The following PPEF1 variants were observed in gnomAD, a reference collection of about 807,000 sequenced individuals.
PPEF1 encodes protein phosphatase with EF-hand domain 1.
In PPEF1, 12 loss-of-function variants were observed where a neutral mutation model predicts 53.3. The observed-to-expected ratio is 0.23, with a 90% confidence interval of 0.14 to 0.36. PPEF1 has a LOEUF of 0.36. Ranked by LOEUF, PPEF1 falls within the 10% of genes least tolerant of loss-of-function variation. The pLI is 1.00. For missense variants in PPEF1, 334 were observed against 490.4 expected, an observed-to-expected ratio of 0.68 and a Z score of 3.01; for synonymous variants, 165 against 176.7, an observed-to-expected ratio of 0.93 and a Z score of 0.52.
intron 4 of PPEF1, among the ~76,000 whole-genome samples, chrX:18,695,948 C>T (rs769726841): frequency 8.9e-6 from 1 of 112,145 alleles, no homozygotes; most frequent in East Asian, 2.8e-4. Context: ...CTGATAGTGA[C>T]TCATAACCCA....
chrX:18,741,126 A>G (rs917678659), intron 3 of PPEF1, among the ~76,000 whole-genome samples: 1 of 111,686 alleles, frequency 9.0e-6, no homozygotes, highest in African/African-American at 3.3e-5. Context: ...AGCCAAACCT[A>G]AGGAATGGGG....
At position 18,757,869 on chromosome X, in the gene PPEF1, CATG is replaced by C. The variant is rs762120393; in HGVS notation, c.511+131_511+133del. The stretch of plus-strand genomic sequence containing the variant: ...AAAATGTTAATATAGAATTATCTAT[CATG>C]ATAATACTGTTCCCCATCTTGTCTT... On this transcript the variant is annotated intron_variant, in intron 5 of 15. Transcript: ENST00000470157. 203 of 411,545 alleles carry C rather than the reference CATG, an allele frequency of 4.9e-4. 1 individual carries two copies. The highest frequency in any genetic ancestry group is 7.6e-4 in the Admixed American group (18 of 23,649). The allele number at this position is 411,545 out of a possible 1,213,427, so 33.9% of individuals were successfully genotyped here. A position where few individuals can be genotyped will look rare whatever the true frequency, so the allele number is the denominator to read the frequency against.
At chrX:18,825,101 G>T (rs960385377) in intron 14 of PPEF1, among the ~76,000 whole-genome samples, 2 of 111,949 alleles carry the variant, frequency 1.8e-5, no homozygotes, top group African/African-American at 6.5e-5. Flanking sequence ...TTCTTAGAAT[G>T]TGAATATCAG....
rs72264344 is a variant in PPEF1, at chrX:18,743,446, C to CTTTTTTTTTTTTTTTTTT, written c.236-6342_236-6325dup. ...TTTTTCTTTTCTTTTTTCTCTTTTT[C>CTTTTTTTTTTTTTTTTTT]TTTTTTTTTTTTTTTTTTTTTGAGA... On this transcript the variant is annotated intron_variant, in intron 3 of 15. Coordinates refer to ENST00000470157, the MANE Select transcript of PPEF1 (RefSeq NM_001377996.1). 2.7e-4 allele frequency among the ~76,000 whole-genome samples: 16 copies of CTTTTTTTTTTTTTTTTTT among 59,326 alleles called. 1 individual carries two copies. The highest frequency in any genetic ancestry group is 1.0e-3 in the African/African-American group (14 of 13,864). The allele number at this position is 59,326 out of a possible 115,157, so 51.5% of individuals were successfully genotyped here. A position where few individuals can be genotyped will look rare whatever the true frequency, so the allele number is the denominator to read the frequency against.
upstream of PPEF1, among the ~76,000 whole-genome samples, chrX:18,706,740 C>T (rs1053104573): frequency 2.8e-5 from 3 of 108,038 alleles, no homozygotes; most frequent in Non-Finnish European, 5.7e-5. Flanking sequence ...AGCGAGACTC[C>T]GTCTCAAAAA....
intron 1 of PPEF1, among the ~76,000 whole-genome samples, chrX:18,729,834 C>T (rs904119643): frequency 4.5e-5 from 5 of 112,071 alleles, no homozygotes; most frequent in African/African-American, 1.6e-4. Flanking sequence ...AAGGTAGGTG[C>T]TGTTATTATT....
chrX:18,693,939 C>T (rs1929563211), intron 4 of PPEF1, among the ~76,000 whole-genome samples: 1 of 111,567 alleles, frequency 9.0e-6, no homozygotes, highest in East Asian at 2.8e-4. Flanking sequence ...AACATGCCCC[C>T]CAAAACTCCC....
intron 1 of PPEF1, among the ~76,000 whole-genome samples, chrX:18,723,214 ATC>A (rs2044628136): frequency 9.0e-6 from 1 of 110,928 alleles, no homozygotes; most frequent in Admixed American, 9.6e-5. Flanking sequence ...CAAACTCCTG[ATC>A]TCAGGTAATC....
chrX:18,693,513 C>T (rs1368511371), intron 4 of PPEF1, among the ~76,000 whole-genome samples: 1 of 112,405 alleles, frequency 8.9e-6, no homozygotes, highest in Non-Finnish European at 1.9e-5. Context: ...CGTATCTCTG[C>T]AAAAACCGCA....
intron 9 of PPEF1, among the ~76,000 whole-genome samples, chrX:18,785,743 G>A (rs2046185991): frequency 9.0e-6 from 1 of 110,601 alleles, no homozygotes; most frequent in African/African-American, 3.3e-5. Context: ...TTAGCCAGGT[G>A]TGGTGGTGCA....
intron 3 of PPEF1, among the ~76,000 whole-genome samples, chrX:18,748,976 G>C (rs763506293): frequency 1.1e-4 from 12 of 112,088 alleles, no homozygotes; most frequent in African/African-American, 3.9e-4. Flanking sequence ...AAAGAGCATG[G>C]ATAGAAGGTG....
chrX:18,709,474 C>A (rs925914390), intron 1 of PPEF1, among the ~76,000 whole-genome samples: 2 of 107,023 alleles, frequency 1.9e-5, no homozygotes, highest in African/African-American at 6.9e-5. Context: ...AATTGATAGA[C>A]ATTTGGATTG....
chrX:18,733,755 C>A lies in PPEF1; in HGVS notation c.182C>A (p.Thr61Asn). ...ADEQGQMQLS[T>N]FFSFMLENYT... ...TTTTTTTATTTTGTCCAGTTATCCACCTTCTTTTCCTTCATGTTGGAAAAC... is the reference window on the plus strand; with the variant it reads ...TTTTTTTATTTTGTCCAGTTATCCAACTTCTTTTCCTTCATGTTGGAAAAC... The change falls in exon 3 of 16, where the codon ACC becomes AAC. Residue 61 changes from threonine (T) to asparagine (N), a missense_variant. Thr to Asn is a moderately conservative substitution (Grantham distance 65). Coordinates refer to ENST00000470157, the MANE Select transcript of PPEF1 (RefSeq NM_001377996.1). 1 of 1,189,379 alleles carries A rather than the reference C, an allele frequency of 8.4e-7. No individual in the cohort carries two copies. The highest frequency in any genetic ancestry group is 1.9e-5 in the South Asian group (1 of 53,812).
chrX:18,783,172 G>T (rs1178943701), intron 8 of PPEF1, among the ~76,000 whole-genome samples: 3 of 108,481 alleles, frequency 2.8e-5, no homozygotes, highest in Non-Finnish European at 3.8e-5. Context: ...AGTGTAATCT[G>T]GTTTAGGACT....
At chrX:18,756,018 A>C (rs774183842) in intron 4 of PPEF1, among the ~76,000 whole-genome samples, 1 of 111,438 alleles carries the variant, frequency 9.0e-6, no homozygotes, top group African/African-American at 3.3e-5. Context: ...CACATAGAAT[A>C]TTTCTGGGAA....
intron 6 of PPEF1, among the ~76,000 whole-genome samples, chrX:18,767,718 TAGG>T (rs959035016): frequency 2.7e-5 from 3 of 111,097 alleles, no homozygotes; most frequent in African/African-American, 9.8e-5. Flanking sequence ...GTCTTAGGAA[TAGG>T]AGGATGAGAG....
chrX:18,768,136 T>C (rs769468197), intron 6 of PPEF1, among the ~76,000 whole-genome samples: 1 of 112,051 alleles, frequency 8.9e-6, no homozygotes, highest in South Asian at 3.7e-4. Flanking sequence ...GTGGCCGTGC[T>C]TTCACTTACT....
chrX:18,690,611 G>A (rs1415095826), intron 3 of PPEF1, among the ~76,000 whole-genome samples: 2 of 111,980 alleles, frequency 1.8e-5, no homozygotes, highest in East Asian at 2.8e-4. Flanking sequence ...CTGACCTCAG[G>A]TGATCTACCC....
At chrX:18,769,993 T>C (rs1332380590) in intron 6 of PPEF1, among the ~76,000 whole-genome samples, 1 of 111,931 alleles carries the variant, frequency 8.9e-6, no homozygotes, top group African/African-American at 3.2e-5. Context: ...TCTGCTATTT[T>C]TCCCCCTACA....
Sources: allele counts gnomAD v4.1 joint callset (sites outside exome capture counted in the v4.1 genomes callset), GRCh38; gene constraint gnomAD v4.1.1; transcripts MANE v1.5; gene names NCBI Gene and HGNC (gene_info 2026-07-23, HGNC 2026-07-21).